The following ZNF783 variants were observed in gnomAD, a reference collection of about 807,000 sequenced individuals.
ZNF783 encodes the protein protein ZNF783.
A neutral mutation model predicts 31.3 loss-of-function variants in ZNF783; 25 were observed. That is an observed-to-expected ratio of 0.80 (90% CI 0.58 to 1.11). ZNF783 has a LOEUF of 1.11. Ranked by LOEUF, ZNF783 falls within the 50% of genes most tolerant of loss-of-function variation. ZNF783 has a pLI of 0.00. For missense variants in ZNF783, 797 were observed against 760.0 expected (o/e 1.05, Z -0.57); for synonymous variants, 369 against 319.1 (o/e 1.16, Z -1.66).
chr7:149,280,526 A>T (rs1396984546), intron 5 of ZNF783, among the ~76,000 whole-genome samples: 1 of 152,080 alleles, frequency 6.6e-6, no homozygotes, highest in East Asian at 1.9e-4. Context: ...GACCCAGATC[A>T]GTCTGGGGTC....
rs375366578 is a variant in ZNF783 at position 149,278,503 on chromosome 7, G to C, written c.778G>C (p.Val260Leu). The stretch of plus-strand genomic sequence containing the variant: ...GCAGCAGCAGGACTCAGAGGCGAGA[G>C]TGGCCCCAGCCGGGCCAGAAGCAGG... Reference protein sequence around the residue: ...PKQQQDSEARVAPAGPEAGGG... With the variant: ...PKQQQDSEARLAPAGPEAGGG... Residue 260 changes from valine (V) to leucine (L), a missense_variant, in exon 5 of 6, where the codon GTG (valine) becomes CTG (leucine). Val to Leu is a conservative substitution (Grantham distance 32). Transcript: ENST00000434415. 204 of 1,599,266 alleles carry C rather than the reference G, an allele frequency of 1.3e-4. No homozygotes were observed. Among genetic ancestry groups the C allele is most frequent in the Non-Finnish European group, 1.7e-4 (196 of 1,179,788 alleles).
intron 1 of ZNF783, 108 bp downstream of exon 1, chr7:149,262,465 C>A: frequency 1.1e-6 from 1 of 924,210 alleles, no homozygotes; most frequent in Non-Finnish European, 1.4e-6. Context: ...GGGCCTTGCG[C>A]GCAGCCTCCG....
intron 4 of ZNF783, among the ~76,000 whole-genome samples, chr7:149,275,119 TGTTAA>T (rs1024114946): frequency 5.9e-5 from 9 of 152,132 alleles, no homozygotes; most frequent in Admixed American, 3.3e-4. Flanking sequence ...TTACTTCCTT[TGTTAA>T]GTTTTTTCCT....
Position 149,282,469 on chromosome 7 carries a change from C to CA in ZNF783, c.*126_*127insA. On this transcript the variant is annotated 3_prime_UTR_variant, in exon 6 of 6. Coordinates refer to ENST00000434415, the MANE Select transcript of ZNF783 (RefSeq NM_001195220.2). ...CCATTCAAATGGGAAGCTAGCTGCC[C>CA]TTCTGGTGACATTGTGTGTGACCGG... 1 of 830,480 alleles carries CA rather than the reference C, an allele frequency of 1.2e-6. No individual in the cohort carries two copies. 51.4% of individuals were successfully genotyped at this position (830,480 alleles called of 1,614,324 possible).
At chr7:149,276,450 T>G in intron 4 of ZNF783, 1 of 986,004 alleles carries the variant, frequency 1.0e-6, no homozygotes, top group Non-Finnish European at 1.2e-6. Context: ...AAGCAACATT[T>G]TTAGGGGCAG....
chr7:149,264,770 G>A (rs892947659), intron 1 of ZNF783, among the ~76,000 whole-genome samples: 1 of 151,882 alleles, frequency 6.6e-6, no homozygotes, highest in Admixed American at 6.6e-5. Context: ...CTACTTGGGA[G>A]GCTGAGGCAG....
At chr7:149,268,428 A>G (rs986435887) in intron 4 of ZNF783, among the ~76,000 whole-genome samples, 1 of 152,192 alleles carries the variant, frequency 6.6e-6, no homozygotes, top group Non-Finnish European at 1.5e-5. Context: ...CTTTATTGAG[A>G]TATAATTCAT....
Position 149,267,325 on chromosome 7 carries a change from G to A in ZNF783, c.673+103G>A, listed in dbSNP as rs1797103813. 2.9e-5 allele frequency: 42 copies of A among 1,453,434 alleles called. No homozygotes were observed. The South Asian group carries it at 6.0e-4, about 21-fold the overall frequency. 90.0% of individuals were successfully genotyped at this position (1,453,434 alleles called of 1,614,324 possible). On this transcript the variant is annotated intron_variant, in intron 4 of 5. Transcript: ENST00000434415. ...GACAATCAGGGAGGGCAGGAAGGGA[G>A]CATAGACCATTAACCCAAAGTGGGA...
Position 149,273,072 on chromosome 7 carries a change from A to G in ZNF783, c.674-5327A>G, listed in dbSNP as rs971071528. On this transcript the variant is annotated intron_variant, in intron 4 of 5. Transcript: ENST00000434415. ...AGTTCCACCCATGTTGTTGCAGATG[A>G]CAGGATCTCATTCTTTTTTTATAGC... Among the ~76,000 whole-genome samples, 5 of 152,306 alleles carry G rather than the reference A, an allele frequency of 3.3e-5. 1 individual carries two copies. Among genetic ancestry groups the G allele is most frequent in the Admixed American group, 3.3e-4 (5 of 15,300 alleles).
In ZNF783 at chr7:149,284,410, A is replaced by C. The variant is rs1302080971; in HGVS notation, c.*2067A>C. 6.6e-6 allele frequency: 1 copy of C among 152,298 alleles called. No individual in the cohort carries two copies. Among genetic ancestry groups the C allele is most frequent in the African/African-American group, 2.4e-5 (1 of 41,458 alleles). 9.4% of individuals were successfully genotyped at this position (152,298 alleles called of 1,614,324 possible). A position where few individuals can be genotyped will look rare whatever the true frequency, so the allele number is the denominator to read the frequency against. ...CAGCCAGGCTCCCTTGGGTTTGGGA[A>C]GAGGCACTGCCCTTCTGTGCTGTGG... On this transcript the variant is annotated 3_prime_UTR_variant, in exon 6 of 6. Coordinates refer to ENST00000434415, the MANE Select transcript of ZNF783 (RefSeq NM_001195220.2).
intron 4 of ZNF783, among the ~76,000 whole-genome samples, chr7:149,267,535 C>T (rs777380311): frequency 1.3e-5 from 2 of 152,188 alleles, no homozygotes. Context: ...CGGTGGCTCA[C>T]GCCTGTAATC....
rs181916024 is a variant in ZNF783 at position 149,273,184 on chromosome 7, C to T, written c.674-5215C>T. The stretch of plus-strand genomic sequence containing the variant: ...CACTTAGGTTGATTTCAAATCTTGA[C>T]TATTGTGAATAATGCTGCAGTAAAC... On this transcript the variant is annotated intron_variant, in intron 4 of 5. Coordinates refer to ENST00000434415, the MANE Select transcript of ZNF783 (RefSeq NM_001195220.2). Among the ~76,000 whole-genome samples, 317 of 152,344 alleles carry T rather than the reference C, an allele frequency of 2.1e-3. 2 individuals are homozygous for T. The highest frequency in any genetic ancestry group is 7.2e-3 in the African/African-American group (299 of 41,574).
At position 149,282,300 on chromosome 7, in the gene ZNF783, G is replaced by T; in HGVS notation, c.1598G>T (p.Gly533Val). Residue 533 changes from glycine (G) to valine (V), a missense_variant, in exon 6 of 6, where the codon GGG becomes GTG. Gly to Val is a moderately radical substitution (Grantham distance 109, BLOSUM62 -3). Coordinates refer to ENST00000434415, the MANE Select transcript of ZNF783 (RefSeq NM_001195220.2). ...TTCCCTGCCGCCCCCGCCCGCCACG[G>T]GAGCCTGCCCCTGCCCTGGCCCAGC... is the stretch of plus-strand genomic sequence containing the variant. ...PHFPAAPARH[G>V]SLPLPWPSRK... 6.4e-7 allele frequency: 1 copy of T among 1,569,050 alleles called. No individual in the cohort carries two copies. Among genetic ancestry groups the T allele is most frequent in the East Asian group, 2.3e-5 (1 of 43,298 alleles).
chr7:149,263,296 GTGTGTGTGTA>G (rs1272972754), intron 1 of ZNF783, among the ~76,000 whole-genome samples: 861 of 71,036 alleles, frequency 0.012, 3 homozygotes, highest in African/African-American at 0.036. Flanking sequence ...GTGTGTGTGT[GTGTGTGTGTA>G]TATATATATA....
At chr7:149,277,735 C>A (rs1585618502) in intron 4 of ZNF783, 1 of 132,552 alleles carries the variant, frequency 7.5e-6, no homozygotes, top group Non-Finnish European at 1.6e-5. Context: ...CGAGACTCCG[C>A]CTCAAAAAAA....
chr7:149,277,564 C>G (rs1342480968), intron 4 of ZNF783, among the ~76,000 whole-genome samples: 1 of 151,848 alleles, frequency 6.6e-6, no homozygotes, highest in African/African-American at 2.4e-5. Flanking sequence ...ATGGTGGAAC[C>G]CCGTCTCTAC....
rs148872657 is a variant in ZNF783 at position 149,278,568 on chromosome 7, G to A, written c.802+41G>A. 3.0e-4 allele frequency: 487 copies of A among 1,597,494 alleles called. No individual in the cohort carries two copies. The African/African-American group carries it at 5.1e-3, about 17-fold the overall frequency. On this transcript the variant is annotated intron_variant, in intron 5 of 5. Transcript: ENST00000434415. Reference sequence around the variant, plus strand: ...GAGGCGGCAGGATGAACAGTGTCCCGAGGCAGCACGCGATCACCAAGCGAT... The same window carrying A: ...GAGGCGGCAGGATGAACAGTGTCCCAAGGCAGCACGCGATCACCAAGCGAT...
At position 149,266,358 on chromosome 7, in the gene ZNF783, A is replaced by G; in HGVS notation, c.48A>G (p.Thr16=). 1.3e-6 allele frequency: 2 copies of G among 1,592,352 alleles called. No homozygotes were observed. The highest frequency in any genetic ancestry group is 8.5e-7 in the Non-Finnish European group (1 of 1,175,908). The change falls in exon 2 of 6, where the codon ACA becomes ACG. Residue 16 remains threonine (T), a synonymous_variant. Transcript: ENST00000434415. ...AGGACCCCGAGACAGACAAGCACAC[A>G]GAGGACCAGAGTCCTTCGACACCCT... ...PARDPETDKH[T]EDQSPSTPLP...
At chr7:149,269,942 T>C (rs1797172432) in intron 4 of ZNF783, among the ~76,000 whole-genome samples, 1 of 151,832 alleles carries the variant, frequency 6.6e-6, no homozygotes. Context: ...GTCCTTGCGA[T>C]AGTTTGCTGA....
Sources: gnomAD v4.1 joint callset for allele counts (sites outside exome capture counted in the v4.1 genomes callset) on GRCh38, gnomAD v4.1.1 for gene constraint, MANE v1.5 for transcripts, NCBI Gene and HGNC (gene_info 2026-07-23, HGNC 2026-07-21) for gene names.